WNT7A: variants seen among roughly 807,000 people sequenced by gnomAD.
WNT7A encodes Wnt family member 7A, also known as protein Wnt-7a.
In WNT7A, 16 loss-of-function variants were observed where a neutral mutation model predicts 28.2. That is an observed-to-expected ratio of 0.57 (90% CI 0.38 to 0.86). WNT7A has a LOEUF of 0.86. Among genes scored for constraint, WNT7A ranks in the 40% least tolerant of loss-of-function variants. WNT7A has a pLI of 0.00. For missense variants in WNT7A, 411 were observed against 489.7 expected (o/e 0.84, Z 1.52); for synonymous variants, 190 against 195.9 (o/e 0.97, Z 0.25).
rs767445224 is a variant in WNT7A at position 13,854,628 on chromosome 3, G to T, written c.474C>A (p.Tyr158Ter). ...KWGGCSADIR[Y>*]GIGFAKVFVD... ...CAAAGACCTTGGCGAAGCCGATGCC[G>T]TAGCGGATGTCGGCAGAGCAGCCAC... is the stretch of plus-strand genomic sequence containing the variant. The change falls in exon 3 of 4, where the codon TAC (tyrosine) becomes TAA (stop). Residue 158 changes from tyrosine to a stop codon, truncating the protein, a stop_gained. Coordinates refer to ENST00000285018, the MANE Select transcript of WNT7A (RefSeq NM_004625.4). LOFTEE classifies it high-confidence loss of function. 1 of 1,614,192 alleles carries T rather than the reference G, an allele frequency of 6.2e-7. No homozygotes were observed. Among genetic ancestry groups the T allele is most frequent in the Non-Finnish European group, 8.5e-7 (1 of 1,180,040 alleles).
chr3:13,868,098 G>C (rs1220508518), intron 2 of WNT7A, among the ~76,000 whole-genome samples: 8 of 152,334 alleles, frequency 5.3e-5, no homozygotes, highest in Middle Eastern at 3.4e-3. Context: ...GGTAGGGAAA[G>C]TGTAGCCAGG....
chr3:13,844,497 G>A (rs9855035), intron 3 of WNT7A, among the ~76,000 whole-genome samples: 3,116 of 152,280 alleles, frequency 0.02, 115 homozygotes, highest in African/African-American at 0.071. Context: ...CCAGGAGCCT[G>A]GGATGCTGCT....
chr3:13,841,990 G>A (rs770656518), intron 3 of WNT7A, among the ~76,000 whole-genome samples: 4 of 152,144 alleles, frequency 2.6e-5, no homozygotes, highest in African/African-American at 9.7e-5. Flanking sequence ...AAGTGCAAGG[G>A]ACCTGGGGCA....
intron 3 of WNT7A, among the ~76,000 whole-genome samples, chr3:13,830,163 G>T (rs946740063): frequency 6.6e-6 from 1 of 152,058 alleles, no homozygotes; most frequent in Non-Finnish European, 1.5e-5. Flanking sequence ...CCCCAAGCAG[G>T]AGGCTCGTTC....
intron 2 of WNT7A, among the ~76,000 whole-genome samples, chr3:13,864,856 A>AACAGAATGCC (rs1694886186): frequency 6.6e-6 from 1 of 152,308 alleles, no homozygotes; most frequent in African/African-American, 2.4e-5. Flanking sequence ...CTGTACTTGT[A>AACAGAATGCC]TGGAAACTCA....
rs1268516852 is a variant in WNT7A at position 13,879,961 on chromosome 3, C to A, written c.-145G>T. 2.1e-5 allele frequency: 11 copies of A among 531,642 alleles called. No individual in the cohort carries two copies. Among genetic ancestry groups the A allele is most frequent in the Non-Finnish European group, 2.9e-5 (10 of 343,004 alleles). 32.9% of individuals were successfully genotyped at this position (531,642 alleles called of 1,614,324 possible). A position where few individuals can be genotyped will look rare whatever the true frequency, so the allele number is the denominator to read the frequency against. ...TGTCGGTGCGCCCGTCCGCGCGCTC[C>A]GCGCCTGAGCCTCGCCAGGAGCACG... On this transcript the variant is annotated 5_prime_UTR_variant, in exon 1 of 4. Transcript: ENST00000285018.
intron 2 of WNT7A, among the ~76,000 whole-genome samples, chr3:13,868,577 AGAGAGAGAGAGAGG>A (rs1161326309): frequency 0.012 from 261 of 22,350 alleles, 30 homozygotes; most frequent in African/African-American, 0.061. Flanking sequence ...AGAGAGAGAG[AGAGAGAGAGAGAGG>A]GAGAAAGAAA....
chr3:13,871,203 C>T (rs1695021329), intron 2 of WNT7A, among the ~76,000 whole-genome samples: 1 of 152,140 alleles, frequency 6.6e-6, no homozygotes, highest in Admixed American at 6.5e-5. Flanking sequence ...GACAATGGGT[C>T]CTGGTGCTCA....
chr3:13,852,511 C>T (rs947450810), intron 3 of WNT7A, among the ~76,000 whole-genome samples: 2 of 152,106 alleles, frequency 1.3e-5, no homozygotes, highest in Admixed American at 6.5e-5. Flanking sequence ...TGGCACCGGT[C>T]GGAACAAGGA....
chr3:13,875,351 T>C (rs1052835749), intron 1 of WNT7A, among the ~76,000 whole-genome samples, 178 bp from the exon 2 acceptor site: 2 of 152,218 alleles, frequency 1.3e-5, no homozygotes, highest in Admixed American at 1.3e-4. Context: ...AATTTCTACA[T>C]AGGCTCTTGA....
intron 2 of WNT7A, among the ~76,000 whole-genome samples, chr3:13,860,328 C>T (rs200636209): frequency 6.6e-6 from 1 of 152,220 alleles, no homozygotes; most frequent in Non-Finnish European, 1.5e-5. Flanking sequence ...AGCTCCCTTC[C>T]TGGCCCACCA....
intron 3 of WNT7A, among the ~76,000 whole-genome samples, chr3:13,832,464 C>T (rs1694297509): frequency 6.6e-6 from 1 of 150,652 alleles, no homozygotes; most frequent in Non-Finnish European, 1.5e-5. Flanking sequence ...CCAAGCTTCT[C>T]CTGCTCTTCC....
intron 3 of WNT7A, among the ~76,000 whole-genome samples, chr3:13,835,176 C>T (rs1324788903): frequency 6.6e-6 from 1 of 152,152 alleles, no homozygotes; most frequent in Non-Finnish European, 1.5e-5. Context: ...GGCTGGAGGG[C>T]CGGCGGGGTC....
intron 2 of WNT7A, among the ~76,000 whole-genome samples, chr3:13,855,647 C>A (rs1694716988): frequency 6.6e-6 from 1 of 152,150 alleles, no homozygotes. Flanking sequence ...CGCCTCTTAG[C>A]CTCTTTGGGC....
At position 13,874,986 on chromosome 3, in the gene WNT7A, G is replaced by C. The variant is rs1433878302; in HGVS notation, c.259C>G (p.Leu87Val). Residue 87 changes from leucine to valine, a missense_variant, in exon 2 of 4, where the codon CTG becomes GTG. Leu to Val is a conservative substitution (Grantham distance 32). Coordinates refer to ENST00000285018, the MANE Select transcript of WNT7A (RefSeq NM_004625.4). ...TTCCCGAAGACGGTGCGCTCTCCCA[G>C]TGCAGAGCAGTTCCAGCGGCCATTG... ...FRNGRWNCSA[L>V]GERTVFGKEL... The C allele has an allele frequency of 6.2e-7, 1 of 1,614,224 alleles. No individual in the cohort carries two copies. The highest frequency in any genetic ancestry group is 1.3e-5 in the African/African-American group (1 of 75,072).
chr3:13,844,369 T>C (rs1694506637), intron 3 of WNT7A, among the ~76,000 whole-genome samples: 1 of 152,188 alleles, frequency 6.6e-6, no homozygotes, highest in South Asian at 2.1e-4. Flanking sequence ...GGGCACACAG[T>C]GCCTTGCAGT....
In WNT7A at chr3:13,856,945, A is replaced by G. The variant is rs1224815939; in HGVS notation, c.299-2142T>C. Among the ~76,000 whole-genome samples, 191 of 114,416 alleles carry G rather than the reference A, an allele frequency of 1.7e-3. 1 individual carries two copies. The highest frequency in any genetic ancestry group is 7.3e-3 in the African/African-American group (169 of 23,064). 75.1% of individuals were successfully genotyped at this position (114,416 alleles called of 152,430 possible). ...GAAGAAGAAGAAGAAGAAGAAGAAG[A>G]AGAAGAAGAAGAAGAAGAAGAAGGA... On this transcript the variant is annotated intron_variant, in intron 2 of 3. Coordinates refer to ENST00000285018, the MANE Select transcript of WNT7A (RefSeq NM_004625.4).
chr3:13,878,997 C>A (rs1408927826), intron 1 of WNT7A, among the ~76,000 whole-genome samples: 1 of 152,232 alleles, frequency 6.6e-6, no homozygotes, highest in Non-Finnish European at 1.5e-5. Flanking sequence ...CTCGCGCGCC[C>A]GGCCGCCTCT....
intron 3 of WNT7A, among the ~76,000 whole-genome samples, chr3:13,840,464 C>T (rs555355636): frequency 5.9e-5 from 9 of 152,314 alleles, no homozygotes; most frequent in African/African-American, 2.2e-4. Context: ...AATGAATGAA[C>T]GAATGCATGG....
Sources: gnomAD v4.1 joint callset for allele counts (sites outside exome capture counted in the v4.1 genomes callset) on GRCh38, gnomAD v4.1.1 for gene constraint, MANE v1.5 for transcripts, NCBI Gene and HGNC (gene_info 2026-07-23, HGNC 2026-07-21) for gene names.